The following GALNT18 variants were observed in gnomAD, a reference collection of about 807,000 sequenced individuals.
The protein encoded by GALNT18 is GalNAc-transferase 18.
In GALNT18, 44 loss-of-function variants were observed where a neutral mutation model predicts 69.5. That is an observed-to-expected ratio of 0.63 (90% CI 0.50 to 0.81). The LOEUF (loss-of-function observed/expected upper bound fraction) is 0.81. Among genes scored for constraint, GALNT18 ranks in the 40% least tolerant of loss-of-function variants. GALNT18 has a pLI of 0.00. For missense variants in GALNT18, 715 were observed against 810.0 expected, an observed-to-expected ratio of 0.88 and a Z score of 1.42; for synonymous variants, 364 against 318.2, an observed-to-expected ratio of 1.14 and a Z score of -1.53.
chr11:11,278,951 T>C (rs921686114), intron 10 of GALNT18, among the ~76,000 whole-genome samples: 3 of 152,220 alleles, frequency 2.0e-5, no homozygotes, highest in Non-Finnish European at 4.4e-5. Context: ...TATGACAGCA[T>C]TACATGTACC....
intron 6 of GALNT18, among the ~76,000 whole-genome samples, chr11:11,368,932 C>T (rs986952092): frequency 1.3e-5 from 2 of 152,170 alleles, no homozygotes; most frequent in African/African-American, 4.8e-5. Context: ...CCTTAAAACT[C>T]TCCCTGTGGG....
chr11:11,411,423 G>A (rs1854724067), intron 3 of GALNT18, among the ~76,000 whole-genome samples: 1 of 152,208 alleles, frequency 6.6e-6, no homozygotes, highest in Admixed American at 6.5e-5. Context: ...TGAAAGACAT[G>A]TTCTCCTGCT....
intron 6 of GALNT18, among the ~76,000 whole-genome samples, chr11:11,363,717 C>T (rs902457866): frequency 6.6e-6 from 1 of 152,080 alleles, no homozygotes; most frequent in African/African-American, 2.4e-5. Context: ...CTGAAAAGAC[C>T]TAGAAACATG....
intron 10 of GALNT18, among the ~76,000 whole-genome samples, chr11:11,282,721 C>T (rs1254290244): frequency 1.3e-5 from 2 of 152,158 alleles, no homozygotes; most frequent in African/African-American, 4.8e-5. Flanking sequence ...TGAGGGCCCT[C>T]TGCAGAGACA....
At chr11:11,466,890 G>C (rs1856165991) in intron 1 of GALNT18, among the ~76,000 whole-genome samples, 1 of 152,170 alleles carries the variant, frequency 6.6e-6, no homozygotes, top group Non-Finnish European at 1.5e-5. Flanking sequence ...CCTGGCAATA[G>C]GACACACGCA....
intron 3 of GALNT18, among the ~76,000 whole-genome samples, chr11:11,431,041 T>C (rs187665154): frequency 6.6e-6 from 1 of 152,322 alleles, no homozygotes; most frequent in Admixed American, 6.5e-5. Flanking sequence ...TCAGACTCAA[T>C]ATCAGCTTTG....
At chr11:11,559,750 G>T (rs1218222159) in intron 1 of GALNT18, among the ~76,000 whole-genome samples, 1 of 150,794 alleles carries the variant, frequency 6.6e-6, no homozygotes, top group East Asian at 1.9e-4. Context: ...TGATGGGATG[G>T]GATGGGATAG....
rs535387229 is a variant in GALNT18, at chr11:11,542,874, C to G, written c.235+78485G>C. 6.6e-6 allele frequency among the ~76,000 whole-genome samples: 1 copy of G among 152,306 alleles called. No homozygotes were observed. Among genetic ancestry groups the G allele is most frequent in the East Asian group, 1.9e-4 (1 of 5,194 alleles). ...TTTGCTTTGCTTTCTGAGACTCAGC[C>G]ACAGCCTTTGGGCAAAGTGTTTAAT... is the stretch of plus-strand genomic sequence containing the variant. On this transcript the variant is annotated intron_variant, in intron 1 of 10. Coordinates refer to ENST00000227756, the MANE Select transcript of GALNT18 (RefSeq NM_198516.3). This position sits in a 1 kb window ranked among gnomAD's most constrained non-coding sequence, Gnocchi z 4.3.
Position 11,601,979 on chromosome 11 carries a change from A to G in GALNT18, c.235+19380T>C, listed in dbSNP as rs149523463. Among the ~76,000 whole-genome samples the G allele has an allele frequency of 1.3e-5, 2 of 152,260 alleles. No individual in the cohort carries two copies. Among genetic ancestry groups the G allele is most frequent in the South Asian group, 2.1e-4 (1 of 4,828 alleles). Reference sequence around the variant, plus strand: ...CTACTCTGTTTGTTTTGTTGCTATTATGGAGCTACTAACCTCCTCTTAAAT... The same window carrying G: ...CTACTCTGTTTGTTTTGTTGCTATTGTGGAGCTACTAACCTCCTCTTAAAT... On this transcript the variant is annotated intron_variant, in intron 1 of 10. Transcript: ENST00000227756. The surrounding 1 kb of genome is among the most constrained non-coding windows in gnomAD (Gnocchi z 4.0).
chr11:11,600,005 T>G lies in GALNT18; in HGVS notation c.235+21354A>C, dbSNP rs1859596706. On this transcript the variant is annotated intron_variant, in intron 1 of 10. Coordinates refer to ENST00000227756, the MANE Select transcript of GALNT18 (RefSeq NM_198516.3). This position sits in a 1 kb window ranked among gnomAD's most constrained non-coding sequence, Gnocchi z 4.8. Reference sequence around the variant, plus strand: ...CTTGACTCATCCAAGTCCATTAACTTAATTCTAGTGAAATATAGAAAATTT... The same window carrying G: ...CTTGACTCATCCAAGTCCATTAACTGAATTCTAGTGAAATATAGAAAATTT... Among the ~76,000 whole-genome samples, 1 of 152,052 alleles carries G rather than the reference T, an allele frequency of 6.6e-6. No homozygotes were observed. The highest frequency in any genetic ancestry group is 1.5e-5 in the Non-Finnish European group (1 of 67,898).
rs985266168 is a variant in GALNT18 at position 11,347,803 on chromosome 11, C to T, written c.1093-6799G>A. On this transcript the variant is annotated intron_variant, in intron 6 of 10. Coordinates refer to ENST00000227756, the MANE Select transcript of GALNT18 (RefSeq NM_198516.3). The surrounding 1 kb of genome is among the most constrained non-coding windows in gnomAD (Gnocchi z 4.0). ...GCTCATGTGGTTAATTATCTTTTTACGTGTAACTGTCTCGCCTAACTTGGC... is the reference window on the plus strand; with the variant it reads ...GCTCATGTGGTTAATTATCTTTTTATGTGTAACTGTCTCGCCTAACTTGGC... Among the ~76,000 whole-genome samples, 5 of 152,132 alleles carry T rather than the reference C, an allele frequency of 3.3e-5. No individual in the cohort carries two copies. The highest frequency in any genetic ancestry group is 5.9e-5 in the Non-Finnish European group (4 of 68,024).
Position 11,417,920 on chromosome 11 carries a change from G to C in GALNT18, c.595+14701C>G, listed in dbSNP as rs188338273. On this transcript the variant is annotated intron_variant, in intron 3 of 10. Transcript: ENST00000227756. ...TGTATCTCCTATGAATGTCCTTAGG[G>C]AAAAATGAGCTAACACATGAAAGAT... Among the ~76,000 whole-genome samples, 3 of 152,330 alleles carry C rather than the reference G, an allele frequency of 2.0e-5. No homozygotes were observed. In the East Asian group the frequency reaches 5.8e-4, roughly 29 times the overall value.
chr11:11,607,303 G>A (rs560267472), intron 1 of GALNT18, among the ~76,000 whole-genome samples: 6 of 152,134 alleles, frequency 3.9e-5, no homozygotes, highest in Non-Finnish European at 7.3e-5. Flanking sequence ...CATTAAAGAC[G>A]AGTATCTTAA....
rs796495888 is a variant in GALNT18, at chr11:11,509,161, G to GA, written c.236-60226dup. Among the ~76,000 whole-genome samples the GA allele has an allele frequency of 9.4e-3, 1,390 of 147,488 alleles. 17 individuals carry two copies. Among genetic ancestry groups the GA allele is most frequent in the African/African-American group, 0.033 (1,330 of 40,146 alleles). ...TTTCACAAGTGTTTGCTAAAGAAAA[G>GA]AAAAAAAAAAGCTTCCTCCTTTTCT... On this transcript the variant is annotated intron_variant, in intron 1 of 10. Transcript: ENST00000227756.
intron 1 of GALNT18, among the ~76,000 whole-genome samples, chr11:11,593,624 C>A (rs1859415711): frequency 6.6e-6 from 1 of 152,080 alleles, no homozygotes; most frequent in Admixed American, 6.6e-5. Context: ...GTGATTGTCA[C>A]CCTTTAAAAA....
intron 6 of GALNT18, among the ~76,000 whole-genome samples, chr11:11,343,484 G>A (rs1435677271): frequency 1.3e-5 from 2 of 152,292 alleles, no homozygotes; most frequent in Non-Finnish European, 1.5e-5. Context: ...CTTCCCCCAC[G>A]ATGATCAAGC....
Position 11,337,302 on chromosome 11 carries a change from C to T in GALNT18, c.1278+3517G>A, listed in dbSNP as rs968784274. 3.9e-5 allele frequency among the ~76,000 whole-genome samples: 6 copies of T among 152,178 alleles called. No individual in the cohort carries two copies. Among genetic ancestry groups the T allele is most frequent in the African/African-American group, 1.4e-4 (6 of 41,434 alleles). Reference sequence around the variant, plus strand: ...TTAGCAAGGCGTCACCAAGCTCTTACCATGCGCCCTGCCTTGTGCTAGATA... The same window carrying T: ...TTAGCAAGGCGTCACCAAGCTCTTATCATGCGCCCTGCCTTGTGCTAGATA... On this transcript the variant is annotated intron_variant, in intron 7 of 10. Transcript: ENST00000227756. This position sits in a 1 kb window ranked among gnomAD's most constrained non-coding sequence, Gnocchi z 4.9.
intron 3 of GALNT18, among the ~76,000 whole-genome samples, chr11:11,384,412 G>A (rs1854000595): frequency 6.6e-6 from 1 of 152,124 alleles, no homozygotes. Flanking sequence ...TTCTTGCTAT[G>A]TCCTCAAGTG....
chr11:11,388,906 C>T (rs974304815), intron 3 of GALNT18, among the ~76,000 whole-genome samples: 2 of 152,236 alleles, frequency 1.3e-5, no homozygotes. Context: ...GGGGACTGTT[C>T]TAATCCTGCT....
Sources: allele counts gnomAD v4.1 joint callset (sites outside exome capture counted in the v4.1 genomes callset), GRCh38; gene constraint gnomAD v4.1.1; non-coding constraint Gnocchi (gnomAD v3.1); transcripts MANE v1.5; gene names NCBI Gene and HGNC (gene_info 2026-07-23, HGNC 2026-07-21).